The following KLHDC4 variants were observed in gnomAD, a reference collection of about 807,000 sequenced individuals.
KLHDC4 encodes kelch domain containing 4, also known as kelch domain-containing protein 4.
In KLHDC4, 90 loss-of-function variants were observed where a neutral mutation model predicts 62.4. The observed-to-expected ratio is 1.44, with a 90% CI of 1.22 to 1.72. The LOEUF is 1.72. KLHDC4 is among the 40% of genes most tolerant of loss of function. The pLI, the probability that KLHDC4 is intolerant of heterozygous loss-of-function variation, is 0.00. For missense variants in KLHDC4, 1,025 were observed against 699.7 expected, an observed-to-expected ratio of 1.47 and a Z score of -5.25; for synonymous variants, 386 against 284.4, an observed-to-expected ratio of 1.36 and a Z score of -3.59.
chr16:87,753,281 G>A (rs11859880), intron 4 of KLHDC4, among the ~76,000 whole-genome samples: 2,466 of 152,326 alleles, frequency 0.016, 65 homozygotes, highest in African/African-American at 0.054. Flanking sequence ...AGCATCTTCT[G>A]ATGCTGAGAA....
rs143259006 is a variant in KLHDC4 at position 87,713,942 on chromosome 16, C to T, written c.835+556G>A. On this transcript the variant is annotated intron_variant, in intron 8 of 11. Transcript: ENST00000270583. ...TTCAGTAACTCAAGCTGACAGAGGC[C>T]ACGGCCGTTCTTGGAGGCCGTCCCT... Among the ~76,000 whole-genome samples, 5 of 152,188 alleles carry T rather than the reference C, an allele frequency of 3.3e-5. No individual in the cohort carries two copies. In the South Asian group the frequency reaches 1.0e-3, roughly 32 times the overall value.
At chr16:87,763,926 A>C (rs1265696044) in intron 1 of KLHDC4, among the ~76,000 whole-genome samples, 1 of 152,230 alleles carries the variant, frequency 6.6e-6, no homozygotes, top group African/African-American at 2.4e-5. Context: ...AAGACCACAG[A>C]CACAACTTGC....
intron 4 of KLHDC4, among the ~76,000 whole-genome samples, chr16:87,749,078 C>T (rs745730243): frequency 1.3e-5 from 2 of 151,322 alleles, no homozygotes; most frequent in Non-Finnish European, 2.9e-5. Context: ...GTAGACAATG[C>T]CATATCCCAT....
chr16:87,747,484 C>T (rs936812870), intron 5 of KLHDC4: 1 of 152,132 alleles, frequency 6.6e-6, no homozygotes, highest in Non-Finnish European at 1.5e-5. Context: ...CCAATTGCTG[C>T]GCCTACTAAA....
intron 5 of KLHDC4, among the ~76,000 whole-genome samples, chr16:87,735,447 G>T (rs1285128530): frequency 6.6e-6 from 1 of 152,216 alleles, no homozygotes; most frequent in Non-Finnish European, 1.5e-5. Context: ...CAGCCCCATA[G>T]ATGGGGCGCC....
chr16:87,718,371 G>GTCTCCC (rs768351918), intron 7 of KLHDC4, among the ~76,000 whole-genome samples: 16 of 81,898 alleles, frequency 2.0e-4, no homozygotes, highest in Admixed American at 3.1e-4. Flanking sequence ...TCCCTCCACA[G>GTCTCCC]TCTCCCTCTC....
chr16:87,710,649 C>T (rs2035615002), intron 9 of KLHDC4: 1 of 153,014 alleles, frequency 6.5e-6, no homozygotes, highest in African/African-American at 2.4e-5. Flanking sequence ...AGAAACGAAC[C>T]CGCGTGTTTT....
chr16:87,765,805 G>A lies in KLHDC4; in HGVS notation c.86C>T (p.Ser29Leu), dbSNP rs769219137. The A allele has an allele frequency of 7.6e-6, 12 of 1,570,104 alleles. No homozygotes were observed. The African/African-American group carries it at 1.3e-4, about 18-fold the overall frequency. ...TGACCCGCTCACCTCCTCCTTCCGCGAGCGCTTAGACACCTTCTTCTCCAT... is the reference window on the plus strand; with the variant it reads ...TGACCCGCTCACCTCCTCCTTCCGCAAGCGCTTAGACACCTTCTTCTCCAT... Reference protein sequence around the residue: ...AKMEKKVSKRSRKEEEDLEAL... With the variant: ...AKMEKKVSKRLRKEEEDLEAL... The change falls in exon 1 of 12, where the codon TCG (serine) becomes TTG (leucine). Residue 29 changes from serine (S) to leucine (L), a missense_variant. Coordinates refer to ENST00000270583, the MANE Select transcript of KLHDC4 (RefSeq NM_017566.4).
At chr16:87,717,661 T>C (rs1597442174) in intron 7 of KLHDC4, among the ~76,000 whole-genome samples, 1 of 151,054 alleles carries the variant, frequency 6.6e-6, no homozygotes, top group African/African-American at 2.5e-5. Flanking sequence ...ATGGCTGTCA[T>C]TTCCATGCCT....
chr16:87,745,518 C>A (rs565172909), intron 5 of KLHDC4, among the ~76,000 whole-genome samples: 1 of 152,252 alleles, frequency 6.6e-6, no homozygotes, highest in Non-Finnish European at 1.5e-5. Context: ...ACACAAAGAC[C>A]TTCCTGTTTC....
chr16:87,746,291 AAAGG>A (rs1462811654), intron 5 of KLHDC4, among the ~76,000 whole-genome samples: 1 of 151,904 alleles, frequency 6.6e-6, no homozygotes, highest in Non-Finnish European at 1.5e-5. Flanking sequence ...AGAAAGAAAG[AAAGG>A]AAGGAGAAAG....
At position 87,744,081 on chromosome 16, in the gene KLHDC4, C is replaced by A. The variant is rs569576061; in HGVS notation, c.506+4592G>T. On this transcript the variant is annotated intron_variant, in intron 5 of 11. Transcript: ENST00000270583. ...ATCACTTGAGGTCAGGAGTTCAAGA[C>A]CAGCCTGGCCAACACGGTGAAACCC... Among the ~76,000 whole-genome samples the A allele has an allele frequency of 2.6e-5, 4 of 152,178 alleles. No homozygotes were observed. The South Asian group carries it at 8.3e-4, about 32-fold the overall frequency.
chr16:87,755,438 G>A (rs1007628512), intron 3 of KLHDC4, 146 bp from the exon 4 acceptor site: 10 of 533,664 alleles, frequency 1.9e-5, no homozygotes, highest in Middle Eastern at 2.9e-4. Flanking sequence ...CATGGGCTGG[G>A]TCCCCGGGGC....
chr16:87,757,594 A>G (rs1189742175), intron 2 of KLHDC4: 1 of 152,148 alleles, frequency 6.6e-6, no homozygotes, highest in Non-Finnish European at 1.5e-5. Flanking sequence ...AGGAAATTAC[A>G]TAATAATATT....
At chr16:87,745,322 C>T (rs1771763409) in intron 5 of KLHDC4, among the ~76,000 whole-genome samples, 1 of 151,762 alleles carries the variant, frequency 6.6e-6, no homozygotes, top group South Asian at 2.1e-4. Context: ...GTGCCTCTGC[C>T]CAGCCCATAC....
At chr16:87,748,181 C>A (rs554828776) in intron 5 of KLHDC4, among the ~76,000 whole-genome samples, 2 of 152,330 alleles carry the variant, frequency 1.3e-5, no homozygotes. Context: ...CAGCAACATT[C>A]CCGACAGAGG....
intron 6 of KLHDC4, 43 bp from the exon 7 acceptor site, chr16:87,726,967 A>G (rs1455622253): frequency 1.9e-6 from 3 of 1,599,586 alleles, no homozygotes; most frequent in South Asian, 1.1e-5. Flanking sequence ...TAACATTGGG[A>G]AAAGCCCTGA....
chr16:87,750,312 G>A (rs2043728254), intron 4 of KLHDC4: 1 of 152,302 alleles, frequency 6.6e-6, no homozygotes, highest in Admixed American at 6.5e-5. Flanking sequence ...CAACCACGCT[G>A]GAGGGGCCCC....
chr16:87,700,873 TTGGAGGGCGGAGGGAGGAAGC>T (rs2034114654), exon 1 of KLHDC4: 2 of 225,222 alleles, frequency 8.9e-6, no homozygotes, highest in Non-Finnish European at 1.7e-5. Context: ...AGGGAGGAGG[TTGGAGGGCGGAGGGAGGAAGC>T]TGGAGGGCGG....
Sources: gnomAD v4.1 joint callset for allele counts (sites outside exome capture counted in the v4.1 genomes callset) on GRCh38, gnomAD v4.1.1 for gene constraint, MANE v1.5 for transcripts, NCBI Gene and HGNC (gene_info 2026-07-23, HGNC 2026-07-21) for gene names.